Variants in GTF3C1 observed in about 807,000 individuals in gnomAD.
GTF3C1 encodes the protein general transcription factor 3C polypeptide 1.
A neutral mutation model predicts 226.7 loss-of-function variants in GTF3C1; 57 were observed. The observed-to-expected ratio is 0.25, with a 90% CI of 0.20 to 0.31. GTF3C1 has a LOEUF of 0.31. Ranked by LOEUF, GTF3C1 falls within the 10% of genes least tolerant of loss-of-function variation. The pLI, the probability that GTF3C1 is intolerant of heterozygous loss-of-function variation, is 1.00. For synonymous variants in GTF3C1, 1,090 were observed against 1,084.8 expected (o/e 1.00, Z -0.09); for missense variants, 2,217 against 2,776.1 (o/e 0.80, Z 4.53).
chr16:27,489,652 G>T lies in GTF3C1; in HGVS notation c.3243C>A (p.Ala1081=). The T allele has an allele frequency of 6.2e-7, 1 of 1,611,570 alleles. No homozygotes were observed. ...TGCGCTCCAGGTTGTGCTTGTCCAT[G>T]GCGCTCTCCTGCTCCTTCTGCAGGC... The part of the protein sequence containing the change: ...EGSLQKEQES[A]MDKHNLERKC... Residue 1081 remains alanine, a synonymous_variant, in exon 20 of 37, where the codon GCC becomes GCA. Transcript: ENST00000356183.
chr16:27,473,926 T>C (rs2087914275), intron 29 of GTF3C1, among the ~76,000 whole-genome samples: 1 of 152,326 alleles, frequency 6.6e-6, no homozygotes, highest in East Asian at 1.9e-4. Flanking sequence ...TTCTGTGACT[T>C]TGCTCTTCTC....
intron 2 of GTF3C1, among the ~76,000 whole-genome samples, chr16:27,543,150 C>T (rs2089112981): frequency 6.6e-6 from 1 of 152,174 alleles, no homozygotes; most frequent in Admixed American, 6.5e-5. Flanking sequence ...CTTTGGGAGG[C>T]CAAGGCGGGT....
chr16:27,501,601 C>T (rs897121312), intron 11 of GTF3C1, among the ~76,000 whole-genome samples: 4 of 152,172 alleles, frequency 2.6e-5, no homozygotes, highest in African/African-American at 9.7e-5. Context: ...CAAGAGACTA[C>T]GATTTGAGAT....
chr16:27,462,988 G>A lies in GTF3C1; in HGVS notation c.5925-502C>T, dbSNP rs2087728337. ...GCGGACCCAGAAGAGCTGGACACCA[G>A]GCTCTCATCGCTATGGCTGGGCCTT... On this transcript the variant is annotated intron_variant, in intron 35 of 36. Coordinates refer to ENST00000356183, the MANE Select transcript of GTF3C1 (RefSeq NM_001520.4). This position sits in a 1 kb window ranked among gnomAD's most constrained non-coding sequence, Gnocchi z 4.5. The A allele has an allele frequency of 1.7e-5, 3 of 173,210 alleles. No homozygotes were observed. In the South Asian group the frequency reaches 4.7e-4, roughly 27 times the overall value. 10.7% of individuals were successfully genotyped at this position (173,210 alleles called of 1,614,324 possible).
Position 27,465,541 on chromosome 16 carries a change from CT to C in GTF3C1, c.5075-2del. On this transcript the variant is annotated splice_acceptor_variant, in intron 32 of 36. Transcript: ENST00000356183. LOFTEE classifies it high-confidence loss of function. Reference sequence around the variant, plus strand: ...ATTGTTAGCTCTTCCAGAGGAGCGGCTGTGGGGACACAGAGGAAGATCAGAG... The same window carrying C: ...ATTGTTAGCTCTTCCAGAGGAGCGGCGTGGGGACACAGAGGAAGATCAGAG... The C allele has an allele frequency of 6.3e-7, 1 of 1,595,320 alleles. No homozygotes were observed. Among genetic ancestry groups the C allele is most frequent in the Non-Finnish European group, 8.5e-7 (1 of 1,177,256 alleles).
At chr16:27,515,830 ATGACC>A (rs2088649861) in intron 6 of GTF3C1, among the ~76,000 whole-genome samples, 1 of 152,252 alleles carries the variant, frequency 6.6e-6, no homozygotes, top group African/African-American at 2.4e-5. Context: ...ATCCCTCAAC[ATGACC>A]ACCCAGCACT....
intron 6 of GTF3C1, among the ~76,000 whole-genome samples, chr16:27,518,053 G>A (rs1232449847): frequency 6.6e-6 from 1 of 152,218 alleles, no homozygotes; most frequent in African/African-American, 2.4e-5. Flanking sequence ...ACCCAGGAAA[G>A]AAAAGCAAGT....
chr16:27,531,310 C>G (rs2088914399), intron 5 of GTF3C1, among the ~76,000 whole-genome samples: 1 of 152,256 alleles, frequency 6.6e-6, no homozygotes, highest in Non-Finnish European at 1.5e-5. Context: ...CACTTCTAAG[C>G]ATGTTGCATG....
intron 5 of GTF3C1, among the ~76,000 whole-genome samples, chr16:27,533,046 C>T (rs113824207): frequency 7.9e-5 from 12 of 152,168 alleles, no homozygotes; most frequent in Middle Eastern, 3.4e-3. Context: ...GCAGGAGAAT[C>T]GCTTGAACCT....
intron 1 of GTF3C1, 49 bp downstream of exon 1, chr16:27,549,621 C>T (rs1363685431): frequency 1.2e-6 from 1 of 838,404 alleles, no homozygotes; most frequent in African/African-American, 1.7e-5. Flanking sequence ...CATCAGCCCC[C>T]GGGCCCTGCG....
At chr16:27,547,381 G>T (rs951384510) in intron 1 of GTF3C1, among the ~76,000 whole-genome samples, 1 of 152,116 alleles carries the variant, frequency 6.6e-6, no homozygotes, top group African/African-American at 2.4e-5. Flanking sequence ...CAACTCAAAA[G>T]AACCTGAAGC....
chr16:27,466,510 C>A (rs2087789207), intron 32 of GTF3C1, among the ~76,000 whole-genome samples: 1 of 152,170 alleles, frequency 6.6e-6, no homozygotes, highest in Non-Finnish European at 1.5e-5. Context: ...ATTCCTGAAA[C>A]ACAACAATAT....
rs2087832041 is a variant in GTF3C1, at chr16:27,469,399, T to C, written c.4966A>G (p.Ile1656Val). 1.9e-6 allele frequency: 3 copies of C among 1,613,694 alleles called. No individual in the cohort carries two copies. Among genetic ancestry groups the C allele is most frequent in the South Asian group, 1.1e-5 (1 of 90,988 alleles). The stretch of plus-strand genomic sequence containing the variant: ...GGGTTGAGGTTGCGGGTGCTGACGA[T>C]GCCGGGGGAGTAGTAGCCCCTCATC... ...LLMRGYYSPG[I>V]VSTRNLNPND... is the part of the protein sequence containing the mutation. The change falls in exon 32 of 37, where the codon ATC becomes GTC. Residue 1656 changes from isoleucine to valine, a missense_variant. Ile to Val is a conservative substitution (Grantham distance 29, BLOSUM62 3). Transcript: ENST00000356183. The surrounding 1 kb of genome is among the most constrained non-coding windows in gnomAD (Gnocchi z 4.5).
chr16:27,488,717 C>A (rs1054380040), intron 21 of GTF3C1, 82 bp from the exon 22 acceptor site: 2 of 1,192,190 alleles, frequency 1.7e-6, no homozygotes, highest in South Asian at 1.3e-5. Context: ...GCACCGAGGT[C>A]TCTTAGGAAG....
In GTF3C1 at chr16:27,470,936, C is replaced by T. The variant is rs1314929779; in HGVS notation, c.4527-541G>A. On this transcript the variant is annotated intron_variant, in intron 30 of 36. Transcript: ENST00000356183. The surrounding 1 kb of genome is among the most constrained non-coding windows in gnomAD (Gnocchi z 4.9). ...TGCCCTCGGTTCAGATGGGGACATG[C>T]GGTCAGAGCAGTGTCTCCGTGACAA... Among the ~76,000 whole-genome samples the T allele has an allele frequency of 6.6e-5, 10 of 152,212 alleles. No individual in the cohort carries two copies. The highest frequency in any genetic ancestry group is 6.2e-4 in the South Asian group (3 of 4,834).
intron 16 of GTF3C1, among the ~76,000 whole-genome samples, chr16:27,494,173 G>A (rs557727146): frequency 3.7e-4 from 57 of 152,102 alleles, no homozygotes; most frequent in African/African-American, 1.3e-3. Flanking sequence ...AGGCCAAGAC[G>A]GGCGGATCAC....
Position 27,470,572 on chromosome 16 carries a change from T to A in GTF3C1, c.4527-177A>T, listed in dbSNP as rs558549277. The A allele has an allele frequency of 3.3e-4, 202 of 603,836 alleles. 2 individuals are homozygous for A. In the South Asian group the frequency reaches 3.9e-3, roughly 12 times the overall value. The allele number at this position is 603,836 out of a possible 1,614,324, so 37.4% of individuals were successfully genotyped here. A position where few individuals can be genotyped will look rare whatever the true frequency, so the allele number is the denominator to read the frequency against. The stretch of plus-strand genomic sequence containing the variant: ...GGTGCTGCATTCCCACCTAGCGGTG[T>A]TTGTGTCTCTCTTCCCCGCTTGCCT... On this transcript the variant is annotated intron_variant, in intron 30 of 36. Coordinates refer to ENST00000356183, the MANE Select transcript of GTF3C1 (RefSeq NM_001520.4). This position sits in a 1 kb window ranked among gnomAD's most constrained non-coding sequence, Gnocchi z 4.9.
chr16:27,491,227 A>T (rs1257756547), intron 19 of GTF3C1, among the ~76,000 whole-genome samples: 1 of 152,208 alleles, frequency 6.6e-6, no homozygotes, highest in African/African-American at 2.4e-5. Flanking sequence ...GTGATACTGG[A>T]TCTTTCAGCT....
At position 27,497,751 on chromosome 16, in the gene GTF3C1, T is replaced by A; in HGVS notation, c.2236A>T (p.Ser746Cys). 6.2e-7 allele frequency: 1 copy of A among 1,613,938 alleles called. No individual in the cohort carries two copies. Among genetic ancestry groups the A allele is most frequent in the Non-Finnish European group, 8.5e-7 (1 of 1,179,794 alleles). The change falls in exon 14 of 37, where the codon AGT becomes TGT. Residue 746 changes from serine to cysteine, a missense_variant. Physicochemically the swap from Ser to Cys is moderately radical, Grantham distance 112. Around this residue, in one of 12 missense-constraint regions of GTF3C1, gnomAD observed 100 missense variants for 139.9 expected, o/e 0.71. Coordinates refer to ENST00000356183, the MANE Select transcript of GTF3C1 (RefSeq NM_001520.4). ...CTCAGCTGAGAGTCCCCTGATCCAC[T>A]TGGGCCCTCTTTTCCTTGACTGTCT... ...EEDSQGKEGP[S>C]GSGDSQLSAS...
Sources: allele counts gnomAD v4.1 joint callset (sites outside exome capture counted in the v4.1 genomes callset), GRCh38; gene constraint gnomAD v4.1.1; regional missense constraint gnomAD v4.1.1; non-coding constraint Gnocchi (gnomAD v3.1); transcripts MANE v1.5; gene names NCBI Gene and HGNC (gene_info 2026-07-23, HGNC 2026-07-21).